TAF4: variants seen among roughly 807,000 people sequenced by gnomAD.
The protein encoded by TAF4 is transcription initiation factor TFIID subunit 4.
In TAF4, 9 loss-of-function variants were observed where a neutral mutation model predicts 90.3. The observed-to-expected ratio is 0.10, with a 90% CI of 0.06 to 0.17. The LOEUF (loss-of-function observed/expected upper bound fraction) is 0.17. Ranked by LOEUF, TAF4 falls within the 10% of genes least tolerant of loss-of-function variation. TAF4 has a pLI of 1.00. For missense variants in TAF4, 1,351 were observed against 1,370.7 expected, an observed-to-expected ratio of 0.99 and a Z score of 0.23; for synonymous variants, 818 against 638.9, an observed-to-expected ratio of 1.28 and a Z score of -4.23.
intron 14 of TAF4, among the ~76,000 whole-genome samples, chr20:61,977,918 A>G (rs1476208837): frequency 6.6e-6 from 1 of 152,264 alleles, no homozygotes; most frequent in Non-Finnish European, 1.5e-5. Context: ...ATAGTTCAGC[A>G]GCTAAAAAAG....
intron 1 of TAF4, among the ~76,000 whole-genome samples, chr20:62,042,909 G>A (rs1005928896): frequency 4.0e-5 from 6 of 151,892 alleles, no homozygotes; most frequent in Non-Finnish European, 5.9e-5. Flanking sequence ...GCAGGGAGAC[G>A]GGACTTGGAG....
In TAF4 at chr20:61,996,150, G is replaced by C. The variant is rs181652280; in HGVS notation, c.3090+1400C>G. The stretch of plus-strand genomic sequence containing the variant: ...AGACATGAAGCATACCACGTACAGG[G>C]AACAAGCTTAAAAATTATAGCAGGA... On this transcript the variant is annotated intron_variant, in intron 14 of 14. Transcript: ENST00000252996. 2.0e-5 allele frequency among the ~76,000 whole-genome samples: 3 copies of C among 152,156 alleles called. No homozygotes were observed. The East Asian group carries it at 5.8e-4, about 29-fold the overall frequency.
rs2056123420 is a variant in TAF4, at chr20:62,065,327, C to A, written c.484G>T (p.Gly162Cys). 1 of 939,548 alleles carries A rather than the reference C, an allele frequency of 1.1e-6. No individual in the cohort carries two copies. Among genetic ancestry groups the A allele is most frequent in the South Asian group, 5.0e-5 (1 of 19,954 alleles). The allele number at this position is 939,548 out of a possible 1,614,324, so 58.2% of individuals were successfully genotyped here. Residue 162 changes from glycine (G) to cysteine (C), a missense_variant, in exon 1 of 15, where the codon GGC becomes TGC. By Grantham distance (159) the Gly-to-Cys change is radical (BLOSUM62 -3). Transcript: ENST00000252996. ...PAPAGPAKPAGPAALAARAGP... is the reference protein window; with the variant it reads ...PAPAGPAKPACPAALAARAGP... ...GCGCGGGCGGCCAGCGCGGCGGGGC[C>A]GGCGGGCTTGGCGGGGCCGGCGGGG...
chr20:61,983,772 G>A (rs1049689650), intron 14 of TAF4, among the ~76,000 whole-genome samples: 2 of 152,268 alleles, frequency 1.3e-5, no homozygotes, highest in African/African-American at 2.4e-5. Flanking sequence ...TATTAAAAGA[G>A]AAAGATTTTC....
chr20:61,998,104 G>C, intron 13 of TAF4, 32 bp downstream of exon 13: 1 of 1,611,072 alleles, frequency 6.2e-7, no homozygotes, highest in Non-Finnish European at 8.5e-7. Flanking sequence ...ACAGCAAAGT[G>C]CCCACGAGCA....
Position 62,006,545 on chromosome 20 carries a change from C to A in TAF4, c.2188G>T (p.Val730Phe). The change falls in exon 7 of 15, where the codon GTC becomes TTC. Residue 730 changes from valine (V) to phenylalanine (F), a missense_variant. Physicochemically the swap from Val to Phe is conservative, Grantham distance 50. This residue lies in a region of TAF4 where 202 missense variants were observed against 229.7 expected (regional missense o/e 0.88). Coordinates refer to ENST00000252996, the MANE Select transcript of TAF4 (RefSeq NM_003185.4). The surrounding 1 kb of genome is among the most constrained non-coding windows in gnomAD (Gnocchi z 7.0). ...PVLSLTQPTQ[V>F]GVGKQGQPTP... is the part of the protein sequence containing the mutation. ...GGTTGCCCCTGCTTGCCGACGCCGACCTGCGTGGGCTGCGTGAGGCTGAGC... is the reference window on the plus strand; with the variant it reads ...GGTTGCCCCTGCTTGCCGACGCCGAACTGCGTGGGCTGCGTGAGGCTGAGC... 6.4e-7 allele frequency: 1 copy of A among 1,561,478 alleles called. No homozygotes were observed. Among genetic ancestry groups the A allele is most frequent in the Admixed American group, 1.8e-5 (1 of 54,186 alleles).
intron 14 of TAF4, among the ~76,000 whole-genome samples, chr20:61,988,816 T>G (rs573706378): frequency 6.6e-6 from 1 of 152,086 alleles, no homozygotes; most frequent in African/African-American, 2.4e-5. Context: ...ATACTCCACG[T>G]ACCTCCCAGC....
intron 1 of TAF4, among the ~76,000 whole-genome samples, chr20:62,050,884 C>G (rs2056023299): frequency 6.6e-6 from 1 of 152,142 alleles, no homozygotes; most frequent in Admixed American, 6.5e-5. Context: ...CTGCACCCAC[C>G]CAGCAAGGCC....
At chr20:62,002,593 T>C (rs1180094117) in intron 9 of TAF4, among the ~76,000 whole-genome samples, 1 of 152,146 alleles carries the variant, frequency 6.6e-6, no homozygotes, top group Non-Finnish European at 1.5e-5. Context: ...TGGGCAGAAG[T>C]GATCCTCCTG....
In TAF4 at chr20:62,065,872, G is replaced by C; in HGVS notation, c.-62C>G. The C allele has an allele frequency of 1.8e-6, 2 of 1,127,456 alleles. No individual in the cohort carries two copies. Among genetic ancestry groups the C allele is most frequent in the Non-Finnish European group, 2.2e-6 (2 of 906,910 alleles). 69.8% of individuals were successfully genotyped at this position (1,127,456 alleles called of 1,614,324 possible). On this transcript the variant is annotated 5_prime_UTR_variant, in exon 1 of 15. Coordinates refer to ENST00000252996, the MANE Select transcript of TAF4 (RefSeq NM_003185.4). The stretch of plus-strand genomic sequence containing the variant: ...GCCGAGCGCGCCTGGGCGAGGAGGA[G>C]GTTCCGACTGGGGCGGGCGCTGGGC...
At chr20:62,008,583 C>T (rs898328539) in intron 5 of TAF4, among the ~76,000 whole-genome samples, 17 of 151,822 alleles carry the variant, frequency 1.1e-4, no homozygotes, top group African/African-American at 4.1e-4. Flanking sequence ...CACTGGAGCG[C>T]GAATGTGCCT....
intron 1 of TAF4, among the ~76,000 whole-genome samples, chr20:62,022,025 C>T (rs1004526283): frequency 1.3e-5 from 2 of 152,106 alleles, no homozygotes; most frequent in East Asian, 1.9e-4. Flanking sequence ...GCGGGCCCTC[C>T]AGGCCCGCCA....
Position 62,033,368 on chromosome 20 carries a change from G to C in TAF4, c.1361-18661C>G, listed in dbSNP as rs55881457. 5.3e-5 allele frequency among the ~76,000 whole-genome samples: 8 copies of C among 152,090 alleles called. No individual in the cohort carries two copies. In the East Asian group the frequency reaches 1.6e-3, roughly 29 times the overall value. The stretch of plus-strand genomic sequence containing the variant: ...TAAATAATAGGAAGGCATTTGATAC[G>C]ATCCAACATCCATTGAGACAAACTA... On this transcript the variant is annotated intron_variant, in intron 1 of 14. Coordinates refer to ENST00000252996, the MANE Select transcript of TAF4 (RefSeq NM_003185.4).
rs6061995 is a variant in TAF4 at position 62,056,011 on chromosome 20, C to T, written c.1360+8440G>A. Among the ~76,000 whole-genome samples the T allele has an allele frequency of 7.3e-3, 1,109 of 152,184 alleles. 15 individuals are homozygous for T. Among genetic ancestry groups the T allele is most frequent in the African/African-American group, 0.022 (912 of 41,528 alleles). ...CAGCACTCTGGGAGGCAGAGGCAGG[C>T]GGAGCACTTGAGGTCAGGAGTTCGA... On this transcript the variant is annotated intron_variant, in intron 1 of 14. Coordinates refer to ENST00000252996, the MANE Select transcript of TAF4 (RefSeq NM_003185.4).
intron 1 of TAF4, among the ~76,000 whole-genome samples, chr20:62,063,126 G>A (rs572057922): frequency 7.6e-4 from 115 of 152,242 alleles, no homozygotes; most frequent in Non-Finnish European, 1.1e-3. Flanking sequence ...AGCAACCCCG[G>A]GAAGTAGCTT....
chr20:62,015,764 G>C (rs917654392), intron 1 of TAF4, among the ~76,000 whole-genome samples: 1 of 152,194 alleles, frequency 6.6e-6, no homozygotes, highest in Non-Finnish European at 1.5e-5. Context: ...TGACAAATGA[G>C]CGTGGGGCTT....
At position 61,999,067 on chromosome 20, in the gene TAF4, C is replaced by T; in HGVS notation, c.2829G>A (p.Gln943=). The change falls in exon 12 of 15, where the codon CAG becomes CAA. Residue 943 remains glutamine, a synonymous_variant. Transcript: ENST00000252996. ...GATCAAGCTGTTCAAAAAACTTGAGCTGTGCCCGGACGTCACTCGCCTGCT... is the reference window on the plus strand; with the variant it reads ...GATCAAGCTGTTCAAAAAACTTGAGTTGTGCCCGGACGTCACTCGCCTGCT... ...RYEQASDVRA[Q]LKFFEQLDQI... 1 of 1,614,176 alleles carries T rather than the reference C, an allele frequency of 6.2e-7. No homozygotes were observed.
chr20:62,028,920 G>A (rs953888650), intron 1 of TAF4, among the ~76,000 whole-genome samples: 6 of 152,232 alleles, frequency 3.9e-5, no homozygotes, highest in Admixed American at 6.5e-5. Context: ...TCATGGGCCA[G>A]GCGCAGTGGC....
At chr20:62,003,465 T>C (rs2055721028) in intron 8 of TAF4, among the ~76,000 whole-genome samples, 191 bp from the exon 9 acceptor site, 1 of 152,240 alleles carries the variant, frequency 6.6e-6, no homozygotes, top group Admixed American at 6.5e-5. Flanking sequence ...GCATTTATTT[T>C]CCTGTATTTC....
Sources: gnomAD v4.1 joint callset for allele counts (sites outside exome capture counted in the v4.1 genomes callset) on GRCh38, gnomAD v4.1.1 for gene constraint, gnomAD v4.1.1 regional missense constraint, Gnocchi (gnomAD v3.1) non-coding constraint, MANE v1.5 for transcripts, NCBI Gene and HGNC (gene_info 2026-07-23, HGNC 2026-07-21) for gene names.